DSG3: variants seen among roughly 807,000 people sequenced by gnomAD.
DSG3 encodes the protein desmoglein 3.
A neutral mutation model predicts 85.9 loss-of-function variants in DSG3; 63 were observed. The observed-to-expected ratio is 0.73, with a 90% CI of 0.60 to 0.90. The LOEUF is 0.90. Ranked by LOEUF, DSG3 falls within the 40% of genes least tolerant of loss-of-function variation. DSG3 has a pLI of 0.00. For missense variants in DSG3, 1,220 were observed against 1,219.9 expected (o/e 1.00, Z 0.00); for synonymous variants, 447 against 441.9 (o/e 1.01, Z -0.14).
rs575557671 is a variant in DSG3, at chr18:31,466,593, G to T, written c.1475G>T (p.Cys492Phe). 1.1e-5 allele frequency: 18 copies of T among 1,614,176 alleles called. No individual in the cohort carries two copies. The highest frequency in any genetic ancestry group is 8.8e-5 in the South Asian group (8 of 91,086). ...YVRVPDFNDN[C>F]PTAVLEKDAV... The stretch of plus-strand genomic sequence containing the variant: ...AGAGTACCCGATTTCAATGACAATT[G>T]TCCAACAGCTGTCCTCGAAAAAGAT... Residue 492 changes from cysteine (C) to phenylalanine (F), a missense_variant, in exon 11 of 16, where the codon TGT (cysteine) becomes TTT (phenylalanine). Coordinates refer to ENST00000257189, the MANE Select transcript of DSG3 (RefSeq NM_001944.3).
At chr18:31,473,289 C>T (rs1257444517) in intron 14 of DSG3, among the ~76,000 whole-genome samples, 1 of 152,192 alleles carries the variant, frequency 6.6e-6, no homozygotes, top group African/African-American at 2.4e-5. Context: ...CTAATTCCTG[C>T]ATTCAGTCAT....
At chr18:31,464,540 A>G (rs533652305) in intron 9 of DSG3, among the ~76,000 whole-genome samples, 158 bp downstream of exon 9, 1 of 152,332 alleles carries the variant, frequency 6.6e-6, no homozygotes, top group South Asian at 2.1e-4. Context: ...TAGCTAAATC[A>G]TTAGGTGATC....
intron 8 of DSG3, among the ~76,000 whole-genome samples, chr18:31,463,514 G>A (rs1228515770): frequency 3.3e-5 from 5 of 152,148 alleles, no homozygotes; most frequent in Non-Finnish European, 5.9e-5. Flanking sequence ...TCAATAAGGG[G>A]ATCAAACAAA....
rs139549747 is a variant in DSG3 at position 31,478,412 on chromosome 18, A to G, written c.*2152A>G. 5.4e-4 allele frequency: 82 copies of G among 152,320 alleles called. No homozygotes were observed. Among genetic ancestry groups the G allele is most frequent in the African/African-American group, 1.8e-3 (75 of 41,572 alleles). 9.4% of individuals were successfully genotyped at this position (152,320 alleles called of 1,614,324 possible). A position where few individuals can be genotyped will look rare whatever the true frequency, so the allele number is the denominator to read the frequency against. ...TACCGTGAAATGGGAATTTTGCTGC[A>G]TTGTTAAACTGTAGTGGAAACCATG... On this transcript the variant is annotated 3_prime_UTR_variant, in exon 16 of 16. Transcript: ENST00000257189.
chr18:31,473,989 T>C, intron 14 of DSG3, 132 bp from the exon 15 acceptor site: 1 of 807,802 alleles, frequency 1.2e-6, no homozygotes, highest in Non-Finnish European at 1.9e-6. Flanking sequence ...TTATCACCTC[T>C]AGTCATATAA....
chr18:31,459,065 A>G lies in DSG3; in HGVS notation c.405A>G (p.Leu135=). ...ITCRALNAQG[L]DVEKPLILTV... ...GTCGGGCTCTAAATGCCCAAGGACT[A>G]GATGTAGAGAAACCACTTATACTAA... Residue 135 remains leucine (L), a synonymous_variant, in exon 5 of 16, where the codon CTA becomes CTG. Coordinates refer to ENST00000257189, the MANE Select transcript of DSG3 (RefSeq NM_001944.3). 6.2e-7 allele frequency: 1 copy of G among 1,613,808 alleles called. No homozygotes were observed. The highest frequency in any genetic ancestry group is 8.5e-7 in the Non-Finnish European group (1 of 1,179,948).
chr18:31,463,146 C>T (rs2072796442), intron 8 of DSG3, among the ~76,000 whole-genome samples: 1 of 152,198 alleles, frequency 6.6e-6, no homozygotes. Flanking sequence ...AATTTCCCGG[C>T]ATCCTTCAAC....
At chr18:31,472,600 T>G in intron 13 of DSG3, 125 bp from the exon 14 acceptor site, 1 of 1,272,870 alleles carries the variant, frequency 7.9e-7, no homozygotes, top group Non-Finnish European at 1.1e-6. Flanking sequence ...GAAATGGTTA[T>G]CGCTGAAAGA....
At chr18:31,453,468 A>C (rs1205560113) in intron 1 of DSG3, among the ~76,000 whole-genome samples, 1 of 152,194 alleles carries the variant, frequency 6.6e-6, no homozygotes, top group African/African-American at 2.4e-5. Flanking sequence ...AGCTACCCAT[A>C]TCCTCAGATT....
chr18:31,448,766 G>A (rs1331347647), intron 1 of DSG3, among the ~76,000 whole-genome samples: 1 of 151,938 alleles, frequency 6.6e-6, no homozygotes, highest in Non-Finnish European at 1.5e-5. Flanking sequence ...AATTTGTATG[G>A]TTTCCATGAT....
chr18:31,478,425 A>C lies in DSG3; in HGVS notation c.*2165A>C, dbSNP rs1465267478. 2 of 152,198 alleles carry C rather than the reference A, an allele frequency of 1.3e-5. No individual in the cohort carries two copies. The highest frequency in any genetic ancestry group is 4.8e-5 in the African/African-American group (2 of 41,440). 9.4% of individuals were successfully genotyped at this position (152,198 alleles called of 1,614,324 possible). A position where few individuals can be genotyped will look rare whatever the true frequency, so the allele number is the denominator to read the frequency against. The stretch of plus-strand genomic sequence containing the variant: ...GAATTTTGCTGCATTGTTAAACTGT[A>C]GTGGAAACCATGCTATAGTAATAAA... On this transcript the variant is annotated 3_prime_UTR_variant, in exon 16 of 16. Coordinates refer to ENST00000257189, the MANE Select transcript of DSG3 (RefSeq NM_001944.3).
chr18:31,461,099 A>G (rs2072782355), intron 7 of DSG3, 128 bp from the exon 8 acceptor site: 1 of 1,250,122 alleles, frequency 8.0e-7, no homozygotes. Context: ...TTTAAAAAAT[A>G]TAAGAATTCA....
At position 31,456,459 on chromosome 18, in the gene DSG3, G is replaced by C. The variant is rs748574402; in HGVS notation, c.68G>C (p.Gly23Ala). Residue 23 changes from glycine (G) to alanine (A), a missense_variant, in exon 2 of 16, where the codon GGA becomes GCA. Coordinates refer to ENST00000257189, the MANE Select transcript of DSG3 (RefSeq NM_001944.3). Reference protein sequence around the residue: ...AIFVVVILVHGELRIETKGQY... With the variant: ...AIFVVVILVHAELRIETKGQY... The stretch of plus-strand genomic sequence containing the variant: ...CTGCAGGTGGTCATATTGGTTCATG[G>C]AGAATTGCGAATAGAGGTAAAGTAT... 1 of 1,345,206 alleles carries C rather than the reference G, an allele frequency of 7.4e-7. No homozygotes were observed. The highest frequency in any genetic ancestry group is 9.6e-7 in the Non-Finnish European group (1 of 1,040,730). 83.3% of individuals were successfully genotyped at this position (1,345,206 alleles called of 1,614,324 possible).
At position 31,459,173 on chromosome 18, in the gene DSG3, C is replaced by G. The variant is rs2072768079; in HGVS notation, c.513C>G (p.Ala171=). ...IFMGEIEENS[A]SNSLVMILNA... ...TGGGTGAAATTGAAGAAAATAGTGCCTCAAGTAAGTCTTTTACAGTACTTA... is the reference window on the plus strand; with the variant it reads ...TGGGTGAAATTGAAGAAAATAGTGCGTCAAGTAAGTCTTTTACAGTACTTA... Residue 171 remains alanine (A), a synonymous_variant, in exon 5 of 16, where the codon GCC becomes GCG. Coordinates refer to ENST00000257189, the MANE Select transcript of DSG3 (RefSeq NM_001944.3). The G allele has an allele frequency of 6.2e-7, 1 of 1,611,352 alleles. No homozygotes were observed. Among genetic ancestry groups the G allele is most frequent in the South Asian group, 1.1e-5 (1 of 90,734 alleles).
At position 31,460,780 on chromosome 18, in the gene DSG3, A is replaced by C. The variant is rs1246482138; in HGVS notation, c.685-53A>C. On this transcript the variant is annotated intron_variant, in intron 6 of 15. Coordinates refer to ENST00000257189, the MANE Select transcript of DSG3 (RefSeq NM_001944.3). ...TACCCATAGGAATCAAGTAGTTTCC[A>C]TTTATAATTCTTTGGGATTAATTAT... 4 of 1,466,720 alleles carry C rather than the reference A, an allele frequency of 2.7e-6. No individual in the cohort carries two copies. In the African/African-American group the frequency reaches 5.9e-5, roughly 22 times the overall value. The allele number at this position is 1,466,720 out of a possible 1,614,324, so 90.9% of individuals were successfully genotyped here.
chr18:31,469,939 T>C lies in DSG3; in HGVS notation c.1897+590T>C, dbSNP rs184394795. Among the ~76,000 whole-genome samples the C allele has an allele frequency of 2.3e-3, 357 of 152,208 alleles. 3 individuals are homozygous for C. The highest frequency in any genetic ancestry group is 8.4e-3 in the African/African-American group (350 of 41,556). ...TGCTTCATCTAGCATTTCCTCAAAA[T>C]AGATTGCCATCTGAATATGCATCCC... On this transcript the variant is annotated intron_variant, in intron 12 of 15. Transcript: ENST00000257189.
At chr18:31,450,490 GA>G (rs199509726) in intron 1 of DSG3, among the ~76,000 whole-genome samples, 2 of 152,304 alleles carry the variant, frequency 1.3e-5, no homozygotes, top group East Asian at 1.9e-4. Context: ...TCATGGGGGG[GA>G]AAAGCAATGT....
At chr18:31,457,892 G>A (rs2072759118) in intron 3 of DSG3, among the ~76,000 whole-genome samples, 2 of 151,946 alleles carry the variant, frequency 1.3e-5, no homozygotes, top group African/African-American at 4.8e-5. Context: ...GCCTCCCAAA[G>A]TGCTTGGATT....
At chr18:31,473,701 A>G (rs73414233) in intron 14 of DSG3, among the ~76,000 whole-genome samples, 2 of 152,216 alleles carry the variant, frequency 1.3e-5, no homozygotes, top group Admixed American at 1.3e-4. Flanking sequence ...GTACCAAGAC[A>G]TGCTAATTTG....
Sources: gnomAD v4.1 joint callset for allele counts (sites outside exome capture counted in the v4.1 genomes callset) on GRCh38, gnomAD v4.1.1 for gene constraint, MANE v1.5 for transcripts, NCBI Gene and HGNC (gene_info 2026-07-23, HGNC 2026-07-21) for gene names.